Variants in KIAA1217 observed in about 807,000 individuals in gnomAD.
KIAA1217 encodes sickle tail protein homolog.
In KIAA1217, 88 loss-of-function variants were observed where a neutral mutation model predicts 163.9. The observed-to-expected ratio is 0.54, with a 90% CI of 0.45 to 0.64. The LOEUF is 0.64. Ranked by LOEUF, KIAA1217 falls within the 30% of genes least tolerant of loss-of-function variation. The pLI is 0.00. For synonymous variants in KIAA1217, 903 were observed against 923.1 expected, an observed-to-expected ratio of 0.98 and a Z score of 0.39; for missense variants, 2,372 against 2,475.0, an observed-to-expected ratio of 0.96 and a Z score of 0.88.
At chr10:23,948,427 C>T (rs2131349310) in intron 1 of KIAA1217, among the ~76,000 whole-genome samples, 1 of 152,308 alleles carries the variant, frequency 6.6e-6, no homozygotes, top group Middle Eastern at 3.4e-3. Flanking sequence ...ATGCCTCACC[C>T]ACACCTAAAA....
At chr10:23,834,220 T>A (rs1254015853) in intron 1 of KIAA1217, among the ~76,000 whole-genome samples, 6 of 152,178 alleles carry the variant, frequency 3.9e-5, no homozygotes, top group African/African-American at 1.4e-4. Context: ...CAGAACCAGA[T>A]CTTATTATGT....
At chr10:24,332,417 T>G (rs1265365987) in intron 2 of KIAA1217, among the ~76,000 whole-genome samples, 1 of 152,166 alleles carries the variant, frequency 6.6e-6, no homozygotes, top group East Asian at 1.9e-4. Flanking sequence ...ATCTGAAGGC[T>G]TTTATGACCT....
intron 2 of KIAA1217, among the ~76,000 whole-genome samples, chr10:24,272,716 C>T (rs1003449886): frequency 3.9e-5 from 6 of 152,176 alleles, no homozygotes; most frequent in South Asian, 2.1e-4. Flanking sequence ...ACAAGTATTT[C>T]GGAATTTCAA....
In KIAA1217 at chr10:23,910,706, G is replaced by T. The variant is rs549426644; in HGVS notation, c.-320-96519G>T. Reference sequence around the variant, plus strand: ...TCTTTTAGTAGGACGTTAGGTGTAAGCTGGTTCATCCATTCGACTGTTATG... The same window carrying T: ...TCTTTTAGTAGGACGTTAGGTGTAATCTGGTTCATCCATTCGACTGTTATG... On this transcript the variant is annotated intron_variant, in intron 1 of 18. Coordinates refer to the KIAA1217 transcript ENST00000376462. 1.0e-3 allele frequency among the ~76,000 whole-genome samples: 153 copies of T among 152,340 alleles called. 1 individual carries two copies. The highest frequency in any genetic ancestry group is 1.7e-3 in the Non-Finnish European group (117 of 68,022).
At chr10:24,279,251 T>A (rs1012425514) in intron 2 of KIAA1217, among the ~76,000 whole-genome samples, 1 of 74,386 alleles carries the variant, frequency 1.3e-5, no homozygotes, top group Non-Finnish European at 2.4e-5. Flanking sequence ...TTTTTTTTGT[T>A]GGTGGTGGTG....
intron 5 of KIAA1217, among the ~76,000 whole-genome samples, chr10:24,465,515 G>A (rs1276668423): frequency 6.6e-6 from 1 of 152,228 alleles, no homozygotes; most frequent in African/African-American, 2.4e-5. Flanking sequence ...GTAGTTGGGT[G>A]TGGCGTGAAG....
At chr10:24,062,782 A>G (rs958812338) in intron 2 of KIAA1217, among the ~76,000 whole-genome samples, 11 of 152,012 alleles carry the variant, frequency 7.2e-5, no homozygotes, top group Non-Finnish European at 2.9e-5. Flanking sequence ...CTATTTCTCC[A>G]CATCCTCTCC....
chr10:24,373,763 A>G (rs7098025), intron 2 of KIAA1217, among the ~76,000 whole-genome samples: 24,652 of 152,114 alleles, frequency 0.16, 2,306 homozygotes, highest in South Asian at 0.31. Flanking sequence ...CATGGTGACA[A>G]TGGGTTGGCA....
chr10:24,370,416 A>C (rs906525645), intron 2 of KIAA1217, among the ~76,000 whole-genome samples: 2 of 152,214 alleles, frequency 1.3e-5, no homozygotes, highest in African/African-American at 4.8e-5. Context: ...CCTGACATAC[A>C]TGATATTTTA....
At chr10:24,256,523 T>G (rs1022131923) in intron 2 of KIAA1217, among the ~76,000 whole-genome samples, 1 of 151,998 alleles carries the variant, frequency 6.6e-6, no homozygotes, top group African/African-American at 2.4e-5. Flanking sequence ...AATTAAGATG[T>G]CCTGAAAGAA....
At position 24,473,388 on chromosome 10, in the gene KIAA1217, G is replaced by C. The variant is rs751665913; in HGVS notation, c.1007G>C (p.Arg336Pro). 2 of 1,612,768 alleles carry C rather than the reference G, an allele frequency of 1.2e-6. No homozygotes were observed. The highest frequency in any genetic ancestry group is 2.2e-5 in the South Asian group (2 of 90,940). ...TCCAGAATTCCTTATGGGGGCACCCGCTCCATGGTTGTTCCTGGCAATGCC... is the reference window on the plus strand; with the variant it reads ...TCCAGAATTCCTTATGGGGGCACCCCCTCCATGGTTGTTCCTGGCAATGCC... The part of the protein sequence containing the change: ...SPSRIPYGGT[R>P]SMVVPGNATI... Residue 336 changes from arginine (R) to proline (P), a missense_variant, in exon 6 of 21, where the codon CGC becomes CCC. By Grantham distance (103) the Arg-to-Pro change is moderately radical (BLOSUM62 -2). This residue lies in a region of KIAA1217 where 1,431 missense variants were observed against 1,470.3 expected (regional missense o/e 0.97). Transcript: ENST00000376454.
intron 1 of KIAA1217, among the ~76,000 whole-genome samples, chr10:23,944,903 G>T (rs1424917937): frequency 6.6e-6 from 1 of 151,826 alleles, no homozygotes; most frequent in African/African-American, 2.4e-5. Context: ...TACTAATAAT[G>T]TAAAAATTAG....
chr10:24,345,732 T>G (rs1002786869), intron 2 of KIAA1217, among the ~76,000 whole-genome samples: 4 of 152,200 alleles, frequency 2.6e-5, no homozygotes, highest in Non-Finnish European at 4.4e-5. Context: ...TGATTTTTTT[T>G]GGGTGGGGGG....
chr10:24,042,098 A>T (rs1049811784), intron 2 of KIAA1217: 1 of 152,162 alleles, frequency 6.6e-6, no homozygotes, highest in Non-Finnish European at 1.5e-5. Context: ...GGGCTGCATG[A>T]TGCCTTGTGT....
intron 1 of KIAA1217, among the ~76,000 whole-genome samples, chr10:23,708,994 T>C (rs1837062589): frequency 6.6e-6 from 1 of 152,138 alleles, no homozygotes; most frequent in Admixed American, 6.5e-5. Context: ...ATGCCTAGGC[T>C]GGAGAAAAAG....
At chr10:24,203,983 A>G (rs917632697), upstream of KIAA1217, among the ~76,000 whole-genome samples, 9 of 152,266 alleles carry the variant, frequency 5.9e-5, no homozygotes, top group Admixed American at 2.6e-4. Flanking sequence ...GCTGCCCAGC[A>G]TCTATCTTCC....
intron 1 of KIAA1217, among the ~76,000 whole-genome samples, chr10:23,818,110 C>CACACAT: frequency 7.6e-6 from 1 of 130,834 alleles, no homozygotes; most frequent in East Asian, 2.1e-4. Context: ...CACACACACA[C>CACACAT]ATATATATAT....
At chr10:24,375,095 G>A (rs1213439216) in intron 2 of KIAA1217, among the ~76,000 whole-genome samples, 11 of 152,138 alleles carry the variant, frequency 7.2e-5, no homozygotes, top group African/African-American at 1.7e-4. Flanking sequence ...CCCAGGGCTC[G>A]CTGTTCGAAA....
intron 3 of KIAA1217, among the ~76,000 whole-genome samples, chr10:24,392,226 T>A (rs924832663): frequency 4.2e-5 from 6 of 144,180 alleles, no homozygotes; most frequent in African/African-American, 1.7e-4. Context: ...TAAGATGAGG[T>A]TTATACCAGC....
Sources: allele counts gnomAD v4.1 joint callset (sites outside exome capture counted in the v4.1 genomes callset), GRCh38; gene constraint gnomAD v4.1.1; regional missense constraint gnomAD v4.1.1; transcripts MANE v1.5; gene names NCBI Gene and HGNC (gene_info 2026-07-23, HGNC 2026-07-21).